NARS2: variants seen among roughly 807,000 people sequenced by gnomAD.
NARS2 encodes asparaginyl-tRNA synthetase.
In NARS2, 60 loss-of-function variants were observed where a neutral mutation model predicts 62.9. That is an observed-to-expected ratio of 0.95 (90% confidence interval 0.77 to 1.18). The LOEUF is 1.18. Among genes scored for constraint, NARS2 ranks in the 50% most tolerant of loss-of-function variants. The probability of loss-of-function intolerance (pLI) is 0.00; values close to 1 mark genes in which losing one functional copy is unlikely to be tolerated. For missense variants in NARS2, 619 were observed against 576.4 expected (o/e 1.07, Z -0.76); for synonymous variants, 196 against 200.0 (o/e 0.98, Z 0.17).
intron 5 of NARS2, chr11:78,533,308 G>C (rs1272756201): frequency 1.3e-5 from 2 of 152,098 alleles, no homozygotes; most frequent in Non-Finnish European, 2.9e-5. Flanking sequence ...TTTAAGGTAG[G>C]CGTTTAGTTT....
intron 9 of NARS2, among the ~76,000 whole-genome samples, chr11:78,478,140 G>C (rs1272234388): frequency 6.6e-6 from 1 of 151,910 alleles, no homozygotes; most frequent in Non-Finnish European, 1.5e-5. Flanking sequence ...GTTAGTATAA[G>C]TTTGAATTAT....
chr11:78,510,536 T>C (rs1860681885), intron 6 of NARS2, among the ~76,000 whole-genome samples: 1 of 152,056 alleles, frequency 6.6e-6, no homozygotes, highest in South Asian at 2.1e-4. Flanking sequence ...CTCTCAATAA[T>C]GTAAAGAACC....
intron 6 of NARS2, among the ~76,000 whole-genome samples, chr11:78,520,983 G>A (rs1207401678): frequency 2.6e-4 from 39 of 150,514 alleles, no homozygotes; most frequent in Non-Finnish European, 1.5e-5. Context: ...GCTTGAACCC[G>A]AGACGCAGGG....
rs1857070635 is a variant in NARS2, at chr11:78,574,794, A to T, written c.-306T>A. ...CCGCGACAATTGTAAACCTACGAACAGAACCCGGGCCGCAACACGCGCAAC... is the reference window on the plus strand; with the variant it reads ...CCGCGACAATTGTAAACCTACGAACTGAACCCGGGCCGCAACACGCGCAAC... On this transcript the variant is annotated 5_prime_UTR_variant, in exon 1 of 14. Coordinates refer to ENST00000281038, the MANE Select transcript of NARS2 (RefSeq NM_024678.6). 7 of 342,510 alleles carry T rather than the reference A, an allele frequency of 2.0e-5. No homozygotes were observed. The South Asian group carries it at 3.1e-4, about 15-fold the overall frequency. 21.2% of individuals were successfully genotyped at this position (342,510 alleles called of 1,614,324 possible).
At chr11:78,465,120 G>A (rs766993975) in intron 11 of NARS2, among the ~76,000 whole-genome samples, 3 of 152,230 alleles carry the variant, frequency 2.0e-5, no homozygotes, top group Non-Finnish European at 4.4e-5. Flanking sequence ...TGCCCCACGG[G>A]AAGGCAGCTA....
In NARS2 at chr11:78,454,051, T is replaced by C. The variant is rs562815438; in HGVS notation, c.1165-10293A>G. On this transcript the variant is annotated intron_variant, in intron 11 of 13. Transcript: ENST00000281038. ...GCTTCCTTCCTTAGTGAGCTCTAAA[T>C]TTCAAGTGAACCAGAAGAAAACATC... is the stretch of plus-strand genomic sequence containing the variant. Among the ~76,000 whole-genome samples the C allele has an allele frequency of 2.0e-5, 3 of 152,340 alleles. No individual in the cohort carries two copies. The South Asian group carries it at 6.2e-4, about 32-fold the overall frequency.
At chr11:78,495,561 G>A (rs558682896) in intron 6 of NARS2, among the ~76,000 whole-genome samples, 184 of 151,960 alleles carry the variant, frequency 1.2e-3, no homozygotes, top group African/African-American at 3.0e-3. Context: ...ATTCATATTC[G>A]CATCTCTAGT....
chr11:78,543,592 C>G (rs1230201814), intron 5 of NARS2, among the ~76,000 whole-genome samples: 1 of 152,124 alleles, frequency 6.6e-6, no homozygotes, highest in African/African-American at 2.4e-5. Flanking sequence ...ATAATTCTCT[C>G]TATATTAAAA....
rs531823165 is a variant in NARS2 at position 78,537,723 on chromosome 11, A to C, written c.595-8787T>G. On this transcript the variant is annotated intron_variant, in intron 5 of 13. Coordinates refer to ENST00000281038, the MANE Select transcript of NARS2 (RefSeq NM_024678.6). ...GGCTGAGGAAGGATTGCTTGAGCAC[A>C]GAAGTTCAAGGCGGCAGCAAGCCGT... 3.3e-5 allele frequency among the ~76,000 whole-genome samples: 5 copies of C among 152,344 alleles called. No individual in the cohort carries two copies. The East Asian group carries it at 9.6e-4, about 29-fold the overall frequency.
rs115946190 is a variant in NARS2, at chr11:78,466,108, C to T, written c.1027-95G>A. 2,731 of 1,305,954 alleles carry T rather than the reference C, an allele frequency of 2.1e-3. 53 individuals carry two copies. The African/African-American group carries it at 0.038, about 18-fold the overall frequency. The allele number at this position is 1,305,954 out of a possible 1,614,324, so 80.9% of individuals were successfully genotyped here. A position where few individuals can be genotyped will look rare whatever the true frequency, so the allele number is the denominator to read the frequency against. ...TAACCTGCATCAATTCTAAGGGCTT[C>T]ATCTTCCTGAGGCTCCATGTGTGGA... On this transcript the variant is annotated intron_variant, in intron 10 of 13. Transcript: ENST00000281038.
chr11:78,457,821 CACACACAA>C (rs1365280056), intron 11 of NARS2, among the ~76,000 whole-genome samples: 30 of 148,460 alleles, frequency 2.0e-4, no homozygotes, highest in African/African-American at 5.0e-4. Context: ...CACACACACA[CACACACAA>C]ACACACACAC....
At chr11:78,533,090 C>T (rs1861538009) in intron 5 of NARS2, 1 of 152,008 alleles carries the variant, frequency 6.6e-6, no homozygotes. Flanking sequence ...CAGATGGGAC[C>T]CAAATTAGGC....
intron 6 of NARS2, among the ~76,000 whole-genome samples, chr11:78,506,509 AC>A (rs1337988587): frequency 6.6e-6 from 1 of 152,132 alleles, no homozygotes; most frequent in African/African-American, 2.4e-5. Flanking sequence ...ACCCACCTAG[AC>A]AAGTGCACTA....
chr11:78,447,163 T>C (rs1455511094), intron 11 of NARS2, among the ~76,000 whole-genome samples: 1 of 141,438 alleles, frequency 7.1e-6, no homozygotes, highest in Non-Finnish European at 1.5e-5. Flanking sequence ...TCACACCTGT[T>C]AGTGTTTTTT....
chr11:78,540,198 T>G (rs4254095), intron 5 of NARS2, among the ~76,000 whole-genome samples: 2 of 152,060 alleles, frequency 1.3e-5, no homozygotes, highest in African/African-American at 4.8e-5. Flanking sequence ...ACCAAAAAAA[T>G]TTTTTTAATG....
chr11:78,441,194 G>T, intron 12 of NARS2, 77 bp from the exon 13 acceptor site: 4 of 1,348,068 alleles, frequency 3.0e-6, no homozygotes, highest in Non-Finnish European at 3.1e-6. Flanking sequence ...TATTCTGGGT[G>T]TGTGCAAAGA....
At chr11:78,569,367 C>G (rs1014961369) in intron 2 of NARS2, among the ~76,000 whole-genome samples, 1 of 152,144 alleles carries the variant, frequency 6.6e-6, no homozygotes, top group African/African-American at 2.4e-5. Flanking sequence ...GCTGTCAAGG[C>G]TGGTCTCGAA....
intron 11 of NARS2, among the ~76,000 whole-genome samples, chr11:78,456,723 A>C (rs1233260724): frequency 6.6e-6 from 1 of 152,218 alleles, no homozygotes; most frequent in Non-Finnish European, 1.5e-5. Flanking sequence ...ACTGAGGGGC[A>C]GTCACTTTTT....
At chr11:78,503,202 T>C (rs1456248793) in intron 6 of NARS2, among the ~76,000 whole-genome samples, 1 of 152,056 alleles carries the variant, frequency 6.6e-6, no homozygotes, top group Non-Finnish European at 1.5e-5. Flanking sequence ...GCCCACTTAC[T>C]GTACTGCTGC....
Sources: allele counts gnomAD v4.1 joint callset (sites outside exome capture counted in the v4.1 genomes callset), GRCh38; gene constraint gnomAD v4.1.1; transcripts MANE v1.5; gene names NCBI Gene and HGNC (gene_info 2026-07-23, HGNC 2026-07-21).